The following WASF3 variants were observed in gnomAD, a reference collection of about 807,000 sequenced individuals.
The protein encoded by WASF3 is actin-binding protein WASF3.
WASF3 carries 11 observed loss-of-function variants against 46.6 expected under a neutral mutation model. The ratio of observed to expected loss-of-function variants is 0.24; its 90% CI spans 0.15 to 0.39. WASF3 has a LOEUF of 0.39. Among genes scored for constraint, WASF3 ranks in the 10% least tolerant of loss-of-function variants. WASF3 has a pLI of 1.00. For synonymous variants in WASF3, 242 were observed against 259.7 expected (o/e 0.93, Z 0.65); for missense variants, 576 against 669.8 (o/e 0.86, Z 1.55).
chr13:26,634,575 A>C (rs1364608408), intron 2 of WASF3, among the ~76,000 whole-genome samples: 14 of 152,322 alleles, frequency 9.2e-5, no homozygotes, highest in African/African-American at 3.4e-4. Flanking sequence ...CAGTTTATTC[A>C]TAGCATCGAT....
chr13:26,559,155 C>G (rs1879200458), intron 1 of WASF3, among the ~76,000 whole-genome samples: 1 of 152,172 alleles, frequency 6.6e-6, no homozygotes, highest in South Asian at 2.1e-4. Context: ...TGTGTCCTCT[C>G]CAGCTCCCTT....
chr13:26,676,141 T>C (rs1486476202), intron 6 of WASF3, among the ~76,000 whole-genome samples: 1 of 152,238 alleles, frequency 6.6e-6, no homozygotes, highest in Non-Finnish European at 1.5e-5. Flanking sequence ...CTTTGAAAGA[T>C]AATTGTACGT....
chr13:26,621,461 C>T (rs1881304205), intron 2 of WASF3, among the ~76,000 whole-genome samples: 1 of 151,592 alleles, frequency 6.6e-6, no homozygotes, highest in Admixed American at 6.6e-5. Context: ...AACTGAGGCC[C>T]ACCCTGATGA....
chr13:26,625,234 G>T (rs961043119), intron 2 of WASF3, among the ~76,000 whole-genome samples: 1 of 152,152 alleles, frequency 6.6e-6, no homozygotes, highest in South Asian at 2.1e-4. Context: ...ATATTAGGGG[G>T]TCTCCAGAGA....
At chr13:26,611,943 A>G (rs1355882573) in intron 1 of WASF3, among the ~76,000 whole-genome samples, 3 of 151,068 alleles carry the variant, frequency 2.0e-5, no homozygotes, top group Non-Finnish European at 4.4e-5. Context: ...AATTCTTTTT[A>G]GTAGACTCAA....
chr13:26,684,311 A>G (rs893765446), intron 9 of WASF3, among the ~76,000 whole-genome samples: 1 of 152,036 alleles, frequency 6.6e-6, no homozygotes. Context: ...CCTGTCTACC[A>G]AGAGTAGATA....
At chr13:26,550,492 T>G in the WASF3 span, among the ~76,000 whole-genome samples, 32 of 152,310 alleles carry the variant, frequency 2.1e-4, 1 homozygote, top group Non-Finnish European at 3.4e-4. Flanking sequence ...ATTCAACTAT[T>G]TTACTCTCAT....
At chr13:26,593,022 A>C (rs1880349988) in intron 1 of WASF3, among the ~76,000 whole-genome samples, 1 of 152,092 alleles carries the variant, frequency 6.6e-6, no homozygotes, top group Non-Finnish European at 1.5e-5. Flanking sequence ...GTAGCATTTG[A>C]GTACTGTTTC....
chr13:26,648,663 C>T (rs959257551), intron 3 of WASF3, among the ~76,000 whole-genome samples: 13 of 151,986 alleles, frequency 8.6e-5, no homozygotes, highest in African/African-American at 2.7e-4. Context: ...TTGAGGTGTC[C>T]GACCGAAGTT....
the WASF3 span, among the ~76,000 whole-genome samples, chr13:26,550,933 T>C: frequency 6.6e-6 from 1 of 152,192 alleles, no homozygotes; most frequent in Non-Finnish European, 1.5e-5. Context: ...ATCAGCTTCA[T>C]GTCTGATGTG....
At chr13:26,558,614 A>G (rs997030854) in intron 1 of WASF3, among the ~76,000 whole-genome samples, 3 of 152,206 alleles carry the variant, frequency 2.0e-5, no homozygotes, top group African/African-American at 7.2e-5. Flanking sequence ...CCCCTCTGCA[A>G]GGGAGAGTTC....
rs1399571022 is a variant in WASF3 at position 26,682,198 on chromosome 13, G to A, written c.984-409G>A. On this transcript the variant is annotated intron_variant, in intron 8 of 9. Transcript: ENST00000335327. The surrounding 1 kb of genome is among the most constrained non-coding windows in gnomAD (Gnocchi z 4.4). ...GCAGGCATGGGGCATTTCCACGGAG[G>A]TGGGTTAGAGAATGTAGAAAGCTCC... Among the ~76,000 whole-genome samples, 1 of 152,218 alleles carries A rather than the reference G, an allele frequency of 6.6e-6. No homozygotes were observed. Among genetic ancestry groups the A allele is most frequent in the Non-Finnish European group, 1.5e-5 (1 of 68,036 alleles).
intron 3 of WASF3, among the ~76,000 whole-genome samples, chr13:26,657,918 C>T (rs980740241): frequency 2.6e-5 from 4 of 152,200 alleles, no homozygotes; most frequent in African/African-American, 4.8e-5. Context: ...ATGCAAGTCT[C>T]TAAATTTTAT....
At chr13:26,666,866 C>CAA (rs1168774717) in intron 4 of WASF3, among the ~76,000 whole-genome samples, 16,689 of 60,824 alleles carry the variant, frequency 0.27, 2,222 homozygotes, top group South Asian at 0.35. Flanking sequence ...AAGACTGTCT[C>CAA]AAAAAAAAAA....
intron 1 of WASF3, among the ~76,000 whole-genome samples, chr13:26,606,329 T>C (rs1442091692): frequency 2.0e-5 from 1 of 49,542 alleles, no homozygotes; most frequent in South Asian, 8.0e-4. Flanking sequence ...TTCGTGTGTG[T>C]GTGTGTGTGT....
At position 26,559,823 on chromosome 13, in the gene WASF3, T is replaced by TCTTTCTTTC. The variant is rs57762171; in HGVS notation, c.-109+2004_-109+2005insCTTTCTTTC. Reference sequence around the variant, plus strand: ...TTCTTTCTTTCTTTTTTTTTTTTTTTTTTTTTTTTTTGAGACGGAGTCTTG... The same window carrying TCTTTCTTTC: ...TTCTTTCTTTCTTTTTTTTTTTTTTTCTTTCTTTCTTTTTTTTTTTGAGACGGAGTCTTG... On this transcript the variant is annotated intron_variant, in intron 1 of 9. Coordinates refer to ENST00000335327, the MANE Select transcript of WASF3 (RefSeq NM_006646.6). Among the ~76,000 whole-genome samples the TCTTTCTTTC allele has an allele frequency of 4.6e-3, 580 of 126,636 alleles. 8 individuals carry two copies. Among genetic ancestry groups the TCTTTCTTTC allele is most frequent in the Middle Eastern group, 7.8e-3 (2 of 256 alleles). The allele number at this position is 126,636 out of a possible 152,430, so 83.1% of individuals were successfully genotyped here.
At chr13:26,631,995 A>G (rs1416715754) in intron 2 of WASF3, among the ~76,000 whole-genome samples, 3 of 152,178 alleles carry the variant, frequency 2.0e-5, no homozygotes, top group African/African-American at 4.8e-5. Flanking sequence ...GTGTATAGGA[A>G]TGCTTGTAAT....
chr13:26,613,219 A>G (rs1881030439), intron 2 of WASF3, among the ~76,000 whole-genome samples, 161 bp downstream of exon 2: 1 of 151,148 alleles, frequency 6.6e-6, no homozygotes, highest in Non-Finnish European at 1.5e-5. Context: ...AGCAGGTAAT[A>G]TTTTAGAGCT....
chr13:26,556,031 C>G (rs542147726), upstream of WASF3, among the ~76,000 whole-genome samples: 35 of 152,294 alleles, frequency 2.3e-4, no homozygotes, highest in African/African-American at 7.9e-4. Context: ...ACCACATGCT[C>G]AGCACTGTAC....
Sources: gnomAD v4.1 joint callset for allele counts (sites outside exome capture counted in the v4.1 genomes callset) on GRCh38, gnomAD v4.1.1 for gene constraint, Gnocchi (gnomAD v3.1) non-coding constraint, MANE v1.5 for transcripts, NCBI Gene and HGNC (gene_info 2026-07-23, HGNC 2026-07-21) for gene names.